The following ALPK3 variants were observed in gnomAD, a reference collection of about 807,000 sequenced individuals.
ALPK3 encodes alpha-protein kinase 3.
A neutral mutation model predicts 140.0 loss-of-function variants in ALPK3; 102 were observed. The observed-to-expected ratio is 0.73, with a 90% CI of 0.62 to 0.86. ALPK3 has a LOEUF of 0.86. Among genes scored for constraint, ALPK3 ranks in the 40% least tolerant of loss-of-function variants. The pLI, the probability that ALPK3 is intolerant of heterozygous loss-of-function variation, is 0.00. For missense variants in ALPK3, 2,254 were observed against 2,208.2 expected (o/e 1.02, Z -0.42); for synonymous variants, 938 against 898.5 (o/e 1.04, Z -0.79).
rs188837127 is a variant in ALPK3 at position 84,859,292 on chromosome 15, C to T, written c.3867C>T (p.Ser1289=). The change falls in exon 7 of 14, where the codon TCC becomes TCT. Residue 1289 remains serine (S), a synonymous_variant. Transcript: ENST00000258888. The stretch of plus-strand genomic sequence containing the variant: ...GGGTGGAGCAGTTTCCTGATGCCTC[C>T]GGTAGCCTGAAGCTGTGGTGCCAGT... The part of the protein sequence containing the change: ...KIRVEQFPDA[S]GSLKLWCQFF... 271 of 1,614,146 alleles carry T rather than the reference C, an allele frequency of 1.7e-4. 1 individual carries two copies. The South Asian group carries it at 2.6e-3, about 16-fold the overall frequency.
Position 84,858,263 on chromosome 15 carries a change from A to G in ALPK3, c.3525A>G (p.Ala1175=). The G allele has an allele frequency of 6.3e-7, 1 of 1,598,940 alleles. No individual in the cohort carries two copies. Among genetic ancestry groups the G allele is most frequent in the East Asian group, 2.3e-5 (1 of 43,914 alleles). Residue 1175 remains alanine, a synonymous_variant, in exon 6 of 14, where the codon GCA becomes GCG. Transcript: ENST00000258888. ...RKRFLPKVRA[A]GDGEATTPEE... ...GATTTCTCCCTAAGGTCAGAGCAGC[A>G]GGAGACGGGGAGGCAACCACACCTG...
At chr15:84,855,160 G>C (rs1258018304) in intron 5 of ALPK3, among the ~76,000 whole-genome samples, 2 of 152,082 alleles carry the variant, frequency 1.3e-5, no homozygotes, top group Non-Finnish European at 2.9e-5. Flanking sequence ...CCGTGTCTTC[G>C]GCCAGTTTCC....
At chr15:84,828,508 G>T (rs1443809252) in intron 3 of ALPK3, among the ~76,000 whole-genome samples, 3 of 152,154 alleles carry the variant, frequency 2.0e-5, no homozygotes, top group African/African-American at 7.2e-5. Flanking sequence ...TCCCTCTGGA[G>T]AGCCTGTTGT....
intron 5 of ALPK3, among the ~76,000 whole-genome samples, chr15:84,848,428 G>A (rs1963761477): frequency 1.3e-5 from 2 of 152,056 alleles, no homozygotes; most frequent in Admixed American, 6.5e-5. Flanking sequence ...TATGTATATT[G>A]TAAGCCCTAG....
chr15:84,840,527 G>A lies in ALPK3; in HGVS notation c.1248G>A (p.Lys416=), dbSNP rs756056773. 1 of 1,608,838 alleles carries A rather than the reference G, an allele frequency of 6.2e-7. No individual in the cohort carries two copies. The highest frequency in any genetic ancestry group is 8.5e-7 in the Non-Finnish European group (1 of 1,178,084). ...GCCAGGAAGTGTATTTCTCCTTGAA[G>A]GACATGTACCTGGAGAACACCCAGG... ...GPGQEVYFSL[K]DMYLENTQAV... Residue 416 remains lysine (K), a synonymous_variant, in exon 5 of 14, where the codon AAG becomes AAA. Transcript: ENST00000258888.
chr15:84,828,950 C>T (rs1273195310), intron 3 of ALPK3, among the ~76,000 whole-genome samples: 1 of 152,218 alleles, frequency 6.6e-6, no homozygotes, highest in East Asian at 1.9e-4. Context: ...TCTTTCACAG[C>T]TTCATGCTTT....
intron 2 of ALPK3, among the ~76,000 whole-genome samples, chr15:84,823,921 C>T (rs972854836): frequency 1.3e-5 from 2 of 152,016 alleles, no homozygotes; most frequent in African/African-American, 2.4e-5. Context: ...ACTGTGTTCC[C>T]TGGTCTTGAA....
Position 84,861,303 on chromosome 15 carries a change from G to A in ALPK3, c.4129+1231G>A, listed in dbSNP as rs147140856. Among the ~76,000 whole-genome samples the A allele has an allele frequency of 2.6e-3, 398 of 151,864 alleles. 2 individuals carry two copies. The highest frequency in any genetic ancestry group is 9.0e-3 in the African/African-American group (374 of 41,476). On this transcript the variant is annotated intron_variant, in intron 9 of 13. Coordinates refer to ENST00000258888, the MANE Select transcript of ALPK3 (RefSeq NM_020778.5). ...TGTTGATTGTGTTCCCATTTAACAT[G>A]TTAAATGCTTCTTCCAAATTGGTAA...
chr15:84,830,736 C>T (rs1438565530), intron 3 of ALPK3, among the ~76,000 whole-genome samples: 2 of 152,300 alleles, frequency 1.3e-5, no homozygotes, highest in South Asian at 2.1e-4. Flanking sequence ...TTTCCTCTGT[C>T]ACCCCGGCTG....
chr15:84,828,662 G>A (rs574048690), intron 3 of ALPK3, among the ~76,000 whole-genome samples: 65 of 152,318 alleles, frequency 4.3e-4, no homozygotes, highest in African/African-American at 1.4e-3. Context: ...TCTCTGCTCC[G>A]AGCGACATAG....
At chr15:84,837,451 T>A (rs939822658) in intron 3 of ALPK3, among the ~76,000 whole-genome samples, 7 of 152,224 alleles carry the variant, frequency 4.6e-5, no homozygotes, top group Non-Finnish European at 5.9e-5. Flanking sequence ...CTAGGTGCAT[T>A]GCTGCCTTGT....
chr15:84,829,257 T>A (rs1249155111), intron 3 of ALPK3, among the ~76,000 whole-genome samples: 5 of 152,232 alleles, frequency 3.3e-5, no homozygotes, highest in Admixed American at 6.5e-5. Flanking sequence ...AGGAATTAGC[T>A]CTTTTATACC....
At chr15:84,830,119 C>CT (rs1236680786) in intron 3 of ALPK3, among the ~76,000 whole-genome samples, 16 of 151,704 alleles carry the variant, frequency 1.1e-4, no homozygotes, top group East Asian at 9.6e-4. Context: ...TCATTTGTTT[C>CT]TTTTTTTTGT....
Position 84,863,587 on chromosome 15 carries a change from C to T in ALPK3, c.4446C>T (p.Cys1482=). 6.2e-7 allele frequency: 1 copy of T among 1,614,106 alleles called. No individual in the cohort carries two copies. The highest frequency in any genetic ancestry group is 8.5e-7 in the Non-Finnish European group (1 of 1,179,992). ...CKIQNMSREY[C]KIFAAEARAA... Reference sequence around the variant, plus strand: ...TCCAGAACATGAGTCGGGAGTACTGCAAAATCTTCGCAGCAGAAGCCCGGG... The same window carrying T: ...TCCAGAACATGAGTCGGGAGTACTGTAAAATCTTCGCAGCAGAAGCCCGGG... Residue 1482 remains cysteine (C), a synonymous_variant, in exon 11 of 14, where the codon TGC becomes TGT. Transcript: ENST00000258888.
At chr15:84,853,813 G>A (rs1256121305) in intron 5 of ALPK3, among the ~76,000 whole-genome samples, 4 of 151,092 alleles carry the variant, frequency 2.6e-5, no homozygotes, top group South Asian at 2.1e-4. Context: ...CCTGATATTC[G>A]CCAAACTCTA....
chr15:84,868,584 T>A lies in ALPK3; in HGVS notation c.*128T>A. 1 of 914,430 alleles carries A rather than the reference T, an allele frequency of 1.1e-6. No homozygotes were observed. Among genetic ancestry groups the A allele is most frequent in the Non-Finnish European group, 1.6e-6 (1 of 624,252 alleles). The allele number at this position is 914,430 out of a possible 1,614,324, so 56.6% of individuals were successfully genotyped here. On this transcript the variant is annotated 3_prime_UTR_variant, in exon 14 of 14. Transcript: ENST00000258888. ...ACGAAGGAGACACCACTTGGGGACCTCTCTGAGCAGGCTCTCGTGAATCAG... is the reference window on the plus strand; with the variant it reads ...ACGAAGGAGACACCACTTGGGGACCACTCTGAGCAGGCTCTCGTGAATCAG...
rs554372299 is a variant in ALPK3 at position 84,830,860 on chromosome 15, A to G, written c.304+3255A>G. 5.3e-5 allele frequency among the ~76,000 whole-genome samples: 8 copies of G among 149,806 alleles called. No homozygotes were observed. The East Asian group carries it at 1.6e-3, about 29-fold the overall frequency. On this transcript the variant is annotated intron_variant, in intron 3 of 13. Coordinates refer to ENST00000258888, the MANE Select transcript of ALPK3 (RefSeq NM_020778.5). ...CCACAGGCATGTGCCACCACACCCA[A>G]CTTATTTTGTGTGTGTGTGTATGTG...
At chr15:84,845,303 G>T (rs1050987504) in intron 5 of ALPK3, among the ~76,000 whole-genome samples, 11 of 152,152 alleles carry the variant, frequency 7.2e-5, no homozygotes, top group African/African-American at 2.7e-4. Context: ...GGCCACAGGT[G>T]CCTAAAACTT....
intron 1 of ALPK3, among the ~76,000 whole-genome samples, chr15:84,820,522 C>T (rs1963410321): frequency 6.6e-6 from 1 of 152,116 alleles, no homozygotes; most frequent in Non-Finnish European, 1.5e-5. Context: ...GCTCTGACAC[C>T]CAGGCTGGAG....
Sources: allele counts gnomAD v4.1 joint callset (sites outside exome capture counted in the v4.1 genomes callset), GRCh38; gene constraint gnomAD v4.1.1; transcripts MANE v1.5; gene names NCBI Gene and HGNC (gene_info 2026-07-23, HGNC 2026-07-21).